The following GNAO1 variants were observed in gnomAD, a reference collection of about 807,000 sequenced individuals.
GNAO1 encodes G protein subunit alpha o1, also known as guanine nucleotide-binding protein G(o) subunit alpha.
For synonymous variants in GNAO1, 164 were observed against 180.7 expected (o/e 0.91, Z 0.74); for missense variants, 166 against 478.7 (o/e 0.35, Z 6.10).
chr16:56,329,145 A>G (rs1221268612), intron 4 of GNAO1: 1 of 192,726 alleles, frequency 5.2e-6, no homozygotes, highest in African/African-American at 2.3e-5. Context: ...CCCTGACCGC[A>G]TAAATACAAA....
At chr16:56,274,046 C>T (rs537280547) in intron 2 of GNAO1, among the ~76,000 whole-genome samples, 3 of 152,336 alleles carry the variant, frequency 2.0e-5, no homozygotes, top group South Asian at 2.1e-4. Context: ...CCCTCTGGTA[C>T]GCTGCCCTTC....
intron 3 of GNAO1, among the ~76,000 whole-genome samples, chr16:56,294,245 C>T (rs1049490193): frequency 2.0e-5 from 3 of 150,126 alleles, no homozygotes; most frequent in Admixed American, 6.7e-5. Flanking sequence ...TTCCCATAGG[C>T]GGGATGGGGG....
chr16:56,242,614 C>T (rs905373294), intron 2 of GNAO1, among the ~76,000 whole-genome samples: 1 of 152,084 alleles, frequency 6.6e-6, no homozygotes, highest in Non-Finnish European at 1.5e-5. Flanking sequence ...ACTGGATAGC[C>T]ACAGGGAAAA....
chr16:56,220,459 T>C (rs1224435299), intron 2 of GNAO1, among the ~76,000 whole-genome samples: 1 of 152,182 alleles, frequency 6.6e-6, no homozygotes, highest in Non-Finnish European at 1.5e-5. Context: ...CTGGAGAAGT[T>C]TGGGGTCCAA....
At position 56,218,981 on chromosome 16, in the gene GNAO1, A is replaced by G. The variant is rs370909321; in HGVS notation, c.161+26365A>G. 1.1e-4 allele frequency among the ~76,000 whole-genome samples: 16 copies of G among 152,276 alleles called. 2 individuals are homozygous for G. Among genetic ancestry groups the G allele is most frequent in the African/African-American group, 3.9e-4 (16 of 41,542 alleles). On this transcript the variant is annotated intron_variant, in intron 2 of 8. Transcript: ENST00000262493. ...GCACCCACACATTTTTTAAAATGTG[A>G]AACACACCACTTTAGGGGAATATGC...
intron 6 of GNAO1, chr16:56,343,670 G>A: frequency 1.0e-6 from 1 of 995,192 alleles, no homozygotes; most frequent in Non-Finnish European, 1.5e-6. Flanking sequence ...GAGGCCCAAG[G>A]CCGGATGGCC....
chr16:56,338,580 G>A (rs1310279887), intron 6 of GNAO1, among the ~76,000 whole-genome samples: 1 of 152,232 alleles, frequency 6.6e-6, no homozygotes, highest in African/African-American at 2.4e-5. Flanking sequence ...TTCAAAGAGA[G>A]CAAAGGAGCT....
intron 3 of GNAO1, among the ~76,000 whole-genome samples, chr16:56,321,639 G>A (rs2037572112): frequency 6.6e-6 from 1 of 152,156 alleles, no homozygotes; most frequent in South Asian, 2.1e-4. Context: ...CTGGAGAAGG[G>A]TGCTTCACTT....
At position 56,351,115 on chromosome 16, in the gene GNAO1, G is replaced by A. The variant is rs2037917347; in HGVS notation, c.724-269G>A. Among the ~76,000 whole-genome samples the A allele has an allele frequency of 6.6e-6, 1 of 152,166 alleles. No individual in the cohort carries two copies. Among genetic ancestry groups the A allele is most frequent in the African/African-American group, 2.4e-5 (1 of 41,462 alleles). On this transcript the variant is annotated intron_variant, in intron 6 of 8. Transcript: ENST00000262493. The surrounding 1 kb of genome is among the most constrained non-coding windows in gnomAD (Gnocchi z 6.1). Reference sequence around the variant, plus strand: ...GGGAACTCTGCAGTGGGGAGAGCCCGGGTCACCCTGTCCTCAGCCTCCCCA... The same window carrying A: ...GGGAACTCTGCAGTGGGGAGAGCCCAGGTCACCCTGTCCTCAGCCTCCCCA...
intron 8 of GNAO1, 74 bp downstream of exon 8, chr16:56,355,155 C>G (rs1395808038): frequency 3.9e-6 from 2 of 512,250 alleles, no homozygotes; most frequent in African/African-American, 2.0e-5. Context: ...CACACACACA[C>G]CACTAACAAA....
At chr16:56,260,947 A>G (rs971838870) in intron 2 of GNAO1, among the ~76,000 whole-genome samples, 1 of 151,774 alleles carries the variant, frequency 6.6e-6, no homozygotes, top group Non-Finnish European at 1.5e-5. Flanking sequence ...ATTCTCCCCT[A>G]CTCTTGTTCA....
chr16:56,286,883 G>A (rs1227675860), intron 3 of GNAO1, among the ~76,000 whole-genome samples: 2 of 152,228 alleles, frequency 1.3e-5, no homozygotes, highest in African/African-American at 4.8e-5. Context: ...TAGAATAGGA[G>A]GAAATGGGTG....
intron 3 of GNAO1, among the ~76,000 whole-genome samples, chr16:56,320,887 G>A (rs1428001972): frequency 6.6e-6 from 1 of 152,220 alleles, no homozygotes; most frequent in African/African-American, 2.4e-5. Context: ...AGACATGCAT[G>A]TCCATGAACT....
intron 2 of GNAO1, among the ~76,000 whole-genome samples, chr16:56,269,569 G>T (rs1169108505): frequency 1.3e-5 from 2 of 152,200 alleles, no homozygotes; most frequent in African/African-American, 4.8e-5. Flanking sequence ...AGGAACAGAT[G>T]CGGAAACAAG....
chr16:56,356,482 G>A lies in GNAO1; in HGVS notation c.*408G>A, dbSNP rs1227982740. ...GGGCCCATCTGCCGCCTGGGGCTCC[G>A]GTGCGGTGCACTGGTCCGAGGAGTG... On this transcript the variant is annotated 3_prime_UTR_variant, in exon 9 of 9. Coordinates refer to ENST00000262493, the MANE Select transcript of GNAO1 (RefSeq NM_020988.3). The A allele has an allele frequency of 6.6e-5, 10 of 152,510 alleles. No homozygotes were observed. The allele number at this position is 152,510 out of a possible 1,614,324, so 9.4% of individuals were successfully genotyped here.
chr16:56,332,971 G>A (rs866872017), intron 4 of GNAO1, among the ~76,000 whole-genome samples: 1 of 152,228 alleles, frequency 6.6e-6, no homozygotes, highest in Admixed American at 6.5e-5. Flanking sequence ...ACTGGCTGGC[G>A]AGGAGGCTGT....
At chr16:56,274,607 A>G (rs2037045829) in intron 2 of GNAO1, among the ~76,000 whole-genome samples, 1 of 152,250 alleles carries the variant, frequency 6.6e-6, no homozygotes, top group Non-Finnish European at 1.5e-5. Flanking sequence ...CTACTGATAC[A>G]TGCTACAACA....
chr16:56,260,855 A>C (rs1295644936), intron 2 of GNAO1, among the ~76,000 whole-genome samples: 18 of 152,136 alleles, frequency 1.2e-4, no homozygotes, highest in Non-Finnish European at 2.4e-4. Flanking sequence ...GTCTACCACC[A>C]GAAAAGGAAG....
intron 2 of GNAO1, among the ~76,000 whole-genome samples, chr16:56,206,125 C>G (rs768667413): frequency 1.8e-4 from 27 of 151,972 alleles, no homozygotes; most frequent in East Asian, 5.8e-4. Context: ...TCCAGACCAT[C>G]CTGGATAACA....
Sources: gnomAD v4.1 joint callset for allele counts (sites outside exome capture counted in the v4.1 genomes callset) on GRCh38, gnomAD v4.1.1 for gene constraint, Gnocchi (gnomAD v3.1) non-coding constraint, MANE v1.5 for transcripts, NCBI Gene and HGNC (gene_info 2026-07-23, HGNC 2026-07-21) for gene names.